SFPQ: variants seen among roughly 807,000 people sequenced by gnomAD.
SFPQ encodes the protein splicing factor proline and glutamine rich, also known as splicing factor, proline- and glutamine-rich.
SFPQ carries 11 observed loss-of-function variants against 72.9 expected under a neutral mutation model. The observed-to-expected ratio is 0.15, with a 90% confidence interval of 0.09 to 0.25. The LOEUF is 0.25. SFPQ is among the 10% of genes least tolerant of loss of function. SFPQ has a pLI of 1.00. For missense variants in SFPQ, 847 were observed against 993.3 expected, an observed-to-expected ratio of 0.85 and a Z score of 1.98; for synonymous variants, 506 against 367.3, an observed-to-expected ratio of 1.38 and a Z score of -4.32.
chr1:35,182,879 C>CTGT, downstream of SFPQ: 1 of 1,045,916 alleles, frequency 9.6e-7, no homozygotes. Context: ...GTCAAAGTCT[C>CTGT]TTGTTCTAAT....
chr1:35,191,449 A>G lies in SFPQ; in HGVS notation c.909T>C (p.Asn303=), dbSNP rs778721639. 3 of 1,614,174 alleles carry G rather than the reference A, an allele frequency of 1.9e-6. No individual in the cohort carries two copies. In the South Asian group the frequency reaches 3.3e-5, roughly 18 times the overall value. The part of the protein sequence containing the change: ...YTQRCRLFVG[N]LPADITEDEF... The stretch of plus-strand genomic sequence containing the variant: ...CATCCTCCGTGATATCAGCAGGTAG[A>G]TTCCCAACAAACAACCGACATCGCT... The change falls in exon 2 of 10, where the codon AAT becomes AAC. Residue 303 remains asparagine, a synonymous_variant. Transcript: ENST00000357214.
In SFPQ at chr1:35,190,729, A is replaced by G. The variant is rs746214800; in HGVS notation, c.1284T>C (p.Phe428=). The change falls in exon 3 of 10, where the codon TTT becomes TTC. Residue 428 remains phenylalanine (F), a synonymous_variant. Transcript: ENST00000357214. The part of the protein sequence containing the change: ...FASKPAARKA[F]ERCSEGVFLL... The stretch of plus-strand genomic sequence containing the variant: ...AGAAAACACCTTCACTGCATCGTTC[A>G]AATGCCTTTCTTGCTGCTGGCTTAG... The G allele has an allele frequency of 2.5e-6, 4 of 1,614,264 alleles. No homozygotes were observed. In the Admixed American group the frequency reaches 6.7e-5, roughly 27 times the overall value.
At chr1:35,178,052 AAAAAGTTAATAT>A (rs1639319256), downstream of SFPQ, 1 of 1,285,552 alleles carries the variant, frequency 7.8e-7, no homozygotes, top group Admixed American at 2.7e-5. Flanking sequence ...GAATAATAAG[AAAAAGTTAATAT>A]AAAAGACAAG....
chr1:35,187,903 TG>T (rs892350343), intron 7 of SFPQ, 69 bp downstream of exon 7: 3 of 900,242 alleles, frequency 3.3e-6, no homozygotes, highest in Non-Finnish European at 5.4e-6. Flanking sequence ...TAAAATTTCC[TG>T]TAATTCCTTC....
Position 35,192,573 on chromosome 1 carries a change from C to A in SFPQ, c.477G>T (p.Ser159=). Residue 159 remains serine, a synonymous_variant, in exon 1 of 10, where the codon TCG becomes TCT. Transcript: ENST00000357214. Reference sequence around the variant, plus strand: ...TGGGTGGCGGCGCCCCGGGAGGGGCCGAGGTGACTGCAGGCGGCGGGGTCG... The same window carrying A: ...TGGGTGGCGGCGCCCCGGGAGGGGCAGAGGTGACTGCAGGCGGCGGGGTCG... ...PTPTPPPAVT[S]APPGAPPPTP... 1 of 1,335,942 alleles carries A rather than the reference C, an allele frequency of 7.5e-7. No individual in the cohort carries two copies. 82.8% of individuals were successfully genotyped at this position (1,335,942 alleles called of 1,614,324 possible). A position where few individuals can be genotyped will look rare whatever the true frequency, so the allele number is the denominator to read the frequency against.
At chr1:35,178,062 T>C (rs758909420), downstream of SFPQ, 6 of 1,278,494 alleles carry the variant, frequency 4.7e-6, no homozygotes, top group South Asian at 7.0e-5. Context: ...AAAAAGTTAA[T>C]ATAAAAGACA....
At chr1:35,191,578 G>GA (rs753013636) in intron 1 of SFPQ, 49 bp from the exon 2 acceptor site, 1 of 1,422,146 alleles carries the variant, frequency 7.0e-7, no homozygotes, top group South Asian at 1.2e-5. Context: ...CTCTGCAAGT[G>GA]AAAATCCCCA....
intron 1 of SFPQ, 115 bp downstream of exon 1, chr1:35,192,107 G>C: frequency 1.1e-6 from 1 of 884,328 alleles, no homozygotes; most frequent in South Asian, 5.0e-5. Context: ...GCAGCGGCGC[G>C]CGCAAGCGCC....
rs1640083250 is a variant in SFPQ at position 35,192,604 on chromosome 1, G to A, written c.446C>T (p.Pro149Leu). 13 of 1,344,144 alleles carry A rather than the reference G, an allele frequency of 9.7e-6. No homozygotes were observed. The highest frequency in any genetic ancestry group is 1.0e-5 in the Non-Finnish European group (11 of 1,054,318). 83.3% of individuals were successfully genotyped at this position (1,344,144 alleles called of 1,614,324 possible). ...SGAPPGSGPG[P>L]TPTPPPAVTS... ...GACTGCAGGCGGCGGGGTCGGAGTC[G>A]GGCCTGGCCCGGACCCTGGCGGGGC... is the stretch of plus-strand genomic sequence containing the variant. Residue 149 changes from proline to leucine, a missense_variant, in exon 1 of 10, where the codon CCG becomes CTG. Transcript: ENST00000357214.
downstream of SFPQ, chr1:35,179,304 T>A: frequency 2.8e-6 from 3 of 1,058,854 alleles, no homozygotes; most frequent in Non-Finnish European, 1.1e-6. Context: ...ATCTCTTTAT[T>A]GGGGAAAAGT....
chr1:35,186,212 C>G (rs1438110482), intron 9 of SFPQ, among the ~76,000 whole-genome samples: 2 of 152,212 alleles, frequency 1.3e-5, no homozygotes, highest in Non-Finnish European at 2.9e-5. Context: ...TCACATTCAA[C>G]TCAGCTATAA....
At position 35,190,771 on chromosome 1, in the gene SFPQ, G is replaced by T; in HGVS notation, c.1242C>A (p.Gly414=). The T allele has an allele frequency of 6.2e-7, 1 of 1,614,184 alleles. No homozygotes were observed. The highest frequency in any genetic ancestry group is 8.5e-7 in the Non-Finnish European group (1 of 1,180,030). ...CTGGCTTAGAAGCAAATTCAACAATGCCTTTCCCTGTAGATCTTCCACGAT... is the reference window on the plus strand; with the variant it reads ...CTGGCTTAGAAGCAAATTCAACAATTCCTTTCCCTGTAGATCTTCCACGAT... ...VDDRGRSTGK[G]IVEFASKPAA... The change falls in exon 3 of 10, where the codon GGC becomes GGA. Residue 414 remains glycine (G), a synonymous_variant. Coordinates refer to ENST00000357214, the MANE Select transcript of SFPQ (RefSeq NM_005066.3).
rs1639541938 is a variant in SFPQ at position 35,183,156 on chromosome 1, T to C, written c.*1300A>G. 1 of 1,024,470 alleles carries C rather than the reference T, an allele frequency of 9.8e-7. No homozygotes were observed. 63.5% of individuals were successfully genotyped at this position (1,024,470 alleles called of 1,614,324 possible). A position where few individuals can be genotyped will look rare whatever the true frequency, so the allele number is the denominator to read the frequency against. Reference sequence around the variant, plus strand: ...TCCTATAGATTTTGCCCAACAGAAGTAGCACAAGGAGATGTAAAAGTTACA... The same window carrying C: ...TCCTATAGATTTTGCCCAACAGAAGCAGCACAAGGAGATGTAAAAGTTACA... On this transcript the variant is annotated 3_prime_UTR_variant, in exon 10 of 10. Transcript: ENST00000357214.
intron 6 of SFPQ, 82 bp downstream of exon 6, chr1:35,188,921 A>T: frequency 9.4e-7 from 1 of 1,065,872 alleles, no homozygotes. Flanking sequence ...AGACTGCACC[A>T]CTGCACTCCA....
At position 35,184,476 on chromosome 1, in the gene SFPQ, T is replaced by G; in HGVS notation, c.2104A>C (p.Asn702His). 6.2e-7 allele frequency: 1 copy of G among 1,610,792 alleles called. No individual in the cohort carries two copies. The highest frequency in any genetic ancestry group is 8.5e-7 in the Non-Finnish European group (1 of 1,178,878). Residue 702 changes from asparagine (N) to histidine (H), a missense_variant, in exon 10 of 10, where the codon AAC becomes CAC. Asn to His is a moderately conservative substitution (Grantham distance 68, BLOSUM62 1). Around this residue, in one of 6 missense-constraint regions of SFPQ, gnomAD observed 154 missense variants for 186.0 expected, o/e 0.83. Coordinates refer to ENST00000357214, the MANE Select transcript of SFPQ (RefSeq NM_005066.3). ...GRGREEYEGP[N>H]KKPRF ...CACATCTAAAATCGGGGTTTTTTGT[T>G]TGGGCCTTCGTACTCTTCTCTCCCT...
chr1:35,186,884 G>T, intron 9 of SFPQ, 117 bp downstream of exon 9: 1 of 979,364 alleles, frequency 1.0e-6, no homozygotes, highest in Non-Finnish European at 1.5e-6. Flanking sequence ...GAAATTGGTA[G>T]GGGAAACTAA....
chr1:35,178,941 T>C, downstream of SFPQ: 1 of 1,054,650 alleles, frequency 9.5e-7, no homozygotes, highest in Non-Finnish European at 1.1e-6. Flanking sequence ...AACGTTTTTA[T>C]GGTTAATGGT....
chr1:35,187,768 CAAAA>C (rs773982690), intron 7 of SFPQ, among the ~76,000 whole-genome samples: 9 of 151,004 alleles, frequency 6.0e-5, no homozygotes, highest in Non-Finnish European at 1.0e-4. Flanking sequence ...CAAAACAAAA[CAAAA>C]AAACCAAGAA....
At chr1:35,191,128 T>C (rs1452027641) in intron 2 of SFPQ, 133 bp from the exon 3 acceptor site, 2 of 860,460 alleles carry the variant, frequency 2.3e-6, no homozygotes, top group Non-Finnish European at 3.6e-6. Context: ...CAGCACCCAC[T>C]AACACCACTT....
Sources: allele counts gnomAD v4.1 joint callset (sites outside exome capture counted in the v4.1 genomes callset), GRCh38; gene constraint gnomAD v4.1.1; regional missense constraint gnomAD v4.1.1; transcripts MANE v1.5; gene names NCBI Gene and HGNC (gene_info 2026-07-23, HGNC 2026-07-21).